The following GRIN2A variants were observed in gnomAD, a reference collection of about 807,000 sequenced individuals.
GRIN2A encodes glutamate receptor ionotropic, NMDA 2A.
GRIN2A carries 22 observed loss-of-function variants against 113.4 expected under a neutral mutation model. The ratio of observed to expected loss-of-function variants is 0.19; its 90% CI spans 0.14 to 0.28. The LOEUF (loss-of-function observed/expected upper bound fraction) is 0.28. Ranked by LOEUF, GRIN2A falls within the 10% of genes least tolerant of loss-of-function variation. The pLI is 1.00. For missense variants in GRIN2A, 1,502 were observed against 1,887.0 expected, an observed-to-expected ratio of 0.80 and a Z score of 3.78; for synonymous variants, 827 against 738.4, an observed-to-expected ratio of 1.12 and a Z score of -1.94.
chr16:10,089,583 G>A (rs1596493608), intron 2 of GRIN2A, among the ~76,000 whole-genome samples: 2 of 152,062 alleles, frequency 1.3e-5, no homozygotes, highest in Admixed American at 6.6e-5. Context: ...AGAGAGTTTG[G>A]GGTATGTGTG....
chr16:10,136,747 A>T (rs2049198934), intron 2 of GRIN2A, among the ~76,000 whole-genome samples: 1 of 152,200 alleles, frequency 6.6e-6, no homozygotes, highest in African/African-American at 2.4e-5. Context: ...GCTACCATTT[A>T]TGGGGGAACT....
At chr16:9,845,429 G>A (rs1329918215) in intron 5 of GRIN2A, among the ~76,000 whole-genome samples, 1 of 152,132 alleles carries the variant, frequency 6.6e-6, no homozygotes, top group Non-Finnish European at 1.5e-5. Flanking sequence ...TTGAAACACA[G>A]AGGGTATTGT....
At chr16:10,149,198 A>G (rs1375812765) in intron 2 of GRIN2A, among the ~76,000 whole-genome samples, 1 of 152,246 alleles carries the variant, frequency 6.6e-6, no homozygotes, top group Non-Finnish European at 1.5e-5. Flanking sequence ...ACTTAATTGT[A>G]TATTTTTAAG....
chr16:9,970,112 A>G (rs3105687), intron 2 of GRIN2A, among the ~76,000 whole-genome samples: 131,186 of 152,118 alleles, frequency 0.86, 57,138 homozygotes, highest in African/African-American at 0.96. Context: ...TGGGATCCCT[A>G]ATACAGAAAA....
intron 2 of GRIN2A, among the ~76,000 whole-genome samples, chr16:9,939,304 C>T (rs79541800): frequency 0.017 from 2,661 of 152,220 alleles, 37 homozygotes; most frequent in Non-Finnish European, 0.024. Context: ...CCCGAGGATG[C>T]ACTGCGACTA....
chr16:9,884,404 C>T (rs932467596), intron 4 of GRIN2A, among the ~76,000 whole-genome samples: 2 of 151,996 alleles, frequency 1.3e-5, no homozygotes, highest in African/African-American at 4.8e-5. Context: ...CAAAAGTTAG[C>T]CAGGAGTGGC....
intron 2 of GRIN2A, among the ~76,000 whole-genome samples, chr16:9,946,899 T>G (rs896250470): frequency 6.6e-6 from 1 of 152,224 alleles, no homozygotes; most frequent in Non-Finnish European, 1.5e-5. Context: ...GTTGAACACC[T>G]TGTTCAAGCC....
intron 2 of GRIN2A, among the ~76,000 whole-genome samples, chr16:10,007,665 T>A (rs1173501041): frequency 6.6e-6 from 1 of 152,166 alleles, no homozygotes; most frequent in African/African-American, 2.4e-5. Context: ...TTTGGTTGCC[T>A]GTGCTGTCGG....
chr16:10,054,100 A>G (rs1032363087), intron 2 of GRIN2A, among the ~76,000 whole-genome samples: 5 of 152,202 alleles, frequency 3.3e-5, no homozygotes, highest in African/African-American at 1.2e-4. Context: ...CGAACAGAAT[A>G]AAGAAACAAA....
chr16:10,037,555 C>A (rs909277275), intron 2 of GRIN2A, among the ~76,000 whole-genome samples: 5 of 152,132 alleles, frequency 3.3e-5, no homozygotes, highest in Non-Finnish European at 7.3e-5. Flanking sequence ...AAGTCTAAAC[C>A]CCTTAGCATG....
chr16:9,797,912 C>T (rs1903099639), intron 11 of GRIN2A, among the ~76,000 whole-genome samples: 1 of 152,144 alleles, frequency 6.6e-6, no homozygotes, highest in South Asian at 2.1e-4. Flanking sequence ...CAAATGTCAC[C>T]TGAGGGACAA....
intron 2 of GRIN2A, among the ~76,000 whole-genome samples, chr16:10,063,613 T>C (rs1384895012): frequency 6.6e-6 from 1 of 152,200 alleles, no homozygotes; most frequent in Non-Finnish European, 1.5e-5. Context: ...ATTGATTTAG[T>C]ATCCCGTGAA....
chr16:9,809,420 ACT>A lies in GRIN2A; in HGVS notation c.2169-10958_2169-10957del, dbSNP rs532664464. On this transcript the variant is annotated intron_variant, in intron 10 of 12. Transcript: ENST00000330684. The stretch of plus-strand genomic sequence containing the variant: ...ACTCCAGCCTGGGCAACAGAGCAAG[ACT>A]CTGTCTCAGAAAAACAAAAACATAT... 1.7e-3 allele frequency among the ~76,000 whole-genome samples: 262 copies of A among 152,210 alleles called. 1 individual carries two copies. Among genetic ancestry groups the A allele is most frequent in the Admixed American group, 2.9e-3 (44 of 15,296 alleles).
At chr16:9,768,131 G>C (rs1404368915) in intron 12 of GRIN2A, among the ~76,000 whole-genome samples, 1 of 152,050 alleles carries the variant, frequency 6.6e-6, no homozygotes, top group Non-Finnish European at 1.5e-5. Flanking sequence ...CGCTATCTTG[G>C]CTCACTGCAA....
chr16:9,907,582 T>C (rs2044051404), intron 3 of GRIN2A, among the ~76,000 whole-genome samples: 1 of 152,188 alleles, frequency 6.6e-6, no homozygotes, highest in South Asian at 2.1e-4. Context: ...CATACAGTCA[T>C]GCCTCCAACA....
At chr16:9,955,249 C>T (rs373240823) in intron 2 of GRIN2A, among the ~76,000 whole-genome samples, 153 of 152,282 alleles carry the variant, frequency 1.0e-3, no homozygotes, top group African/African-American at 3.5e-3. Context: ...CACAGCCTCC[C>T]CACCTTGCTT....
chr16:10,128,402 C>A (rs928953955), intron 2 of GRIN2A, among the ~76,000 whole-genome samples: 2 of 152,170 alleles, frequency 1.3e-5, no homozygotes, highest in African/African-American at 4.8e-5. Flanking sequence ...CAGCTACACA[C>A]TTAAGGACAT....
At chr16:10,147,049 C>T (rs150150029) in intron 2 of GRIN2A, among the ~76,000 whole-genome samples, 2 of 152,174 alleles carry the variant, frequency 1.3e-5, no homozygotes, top group African/African-American at 4.8e-5. Flanking sequence ...TACCATGTGA[C>T]TTTCTTATGA....
intron 2 of GRIN2A, among the ~76,000 whole-genome samples, chr16:10,141,783 G>A (rs993138245): frequency 6.6e-6 from 1 of 152,198 alleles, no homozygotes; most frequent in African/African-American, 2.4e-5. Context: ...AATAGGCCAA[G>A]GGCTATTTTC....
Sources: allele counts gnomAD v4.1 joint callset (sites outside exome capture counted in the v4.1 genomes callset), GRCh38; gene constraint gnomAD v4.1.1; transcripts MANE v1.5; gene names NCBI Gene and HGNC (gene_info 2026-07-23, HGNC 2026-07-21).